Variants in HPSE2 observed in about 807,000 individuals in gnomAD.
HPSE2 encodes the protein heparanase 2 (inactive), also known as inactive heparanase-2.
A neutral mutation model predicts 60.5 loss-of-function variants in HPSE2; 38 were observed. That is an observed-to-expected ratio of 0.63 (90% confidence interval 0.48 to 0.82). The LOEUF (loss-of-function observed/expected upper bound fraction) is 0.82. Among genes scored for constraint, HPSE2 ranks in the 40% least tolerant of loss-of-function variants. The pLI, the probability that HPSE2 is intolerant of heterozygous loss-of-function variation, is 0.00. For synonymous variants in HPSE2, 295 were observed against 293.2 expected (o/e 1.01, Z -0.06); for missense variants, 713 against 740.4 (o/e 0.96, Z 0.43).
chr10:99,285,754 G>A, the HPSE2 span, among the ~76,000 whole-genome samples: 6 of 151,978 alleles, frequency 3.9e-5, no homozygotes, highest in African/African-American at 7.2e-5. Context: ...GTGAGATCCC[G>A]TCTCTACAAA....
intron 9 of HPSE2, among the ~76,000 whole-genome samples, chr10:98,547,447 C>T (rs1345189426): frequency 6.6e-6 from 1 of 150,586 alleles, no homozygotes; most frequent in Non-Finnish European, 1.5e-5. Context: ...AAATGTGGCA[C>T]ATATACACCA....
chr10:98,703,346 C>G (rs1948461897), intron 5 of HPSE2, among the ~76,000 whole-genome samples: 1 of 152,082 alleles, frequency 6.6e-6, no homozygotes, highest in African/African-American at 2.4e-5. Context: ...TGAATTCTAC[C>G]AGAGGTACAA....
At chr10:99,276,800 A>G in the HPSE2 span, among the ~76,000 whole-genome samples, 1 of 152,184 alleles carries the variant, frequency 6.6e-6, no homozygotes, top group Non-Finnish European at 1.5e-5. Context: ...GTACCCTAGT[A>G]TGTCAAATTA....
chr10:98,898,269 C>G (rs1407665676), intron 3 of HPSE2, among the ~76,000 whole-genome samples: 1 of 152,068 alleles, frequency 6.6e-6, no homozygotes, highest in Non-Finnish European at 1.5e-5. Context: ...CACAAAGAAA[C>G]CCTACATGTG....
chr10:98,989,222 A>G (rs1436283602), intron 3 of HPSE2, among the ~76,000 whole-genome samples: 2 of 152,208 alleles, frequency 1.3e-5, no homozygotes, highest in Admixed American at 6.5e-5. Flanking sequence ...CACTATTCAC[A>G]ACAGAAAAGA....
chr10:98,743,833 A>C, intron 4 of HPSE2, 50 bp downstream of exon 4: 1 of 1,538,338 alleles, frequency 6.5e-7, no homozygotes, highest in Non-Finnish European at 9.0e-7. Flanking sequence ...AAGCCAACTT[A>C]TTTTTCCCCT....
chr10:98,523,587 A>C (rs1942868549), intron 9 of HPSE2, among the ~76,000 whole-genome samples: 4 of 152,238 alleles, frequency 2.6e-5, no homozygotes, highest in Admixed American at 2.6e-4. Context: ...GACATTTACA[A>C]ATGCATAATG....
chr10:98,938,871 A>G (rs1954897203), intron 3 of HPSE2, among the ~76,000 whole-genome samples: 1 of 144,448 alleles, frequency 6.9e-6, no homozygotes. Context: ...AGTCCATCAG[A>G]CTAACAGCTG....
intron 2 of HPSE2, among the ~76,000 whole-genome samples, chr10:99,182,663 T>C (rs1847820576): frequency 6.6e-6 from 1 of 152,120 alleles, no homozygotes; most frequent in Admixed American, 6.6e-5. Context: ...ATCCAGTAAT[T>C]ATGGAATAAC....
At chr10:99,180,006 G>A (rs1847695252) in intron 2 of HPSE2, among the ~76,000 whole-genome samples, 1 of 152,182 alleles carries the variant, frequency 6.6e-6, no homozygotes, top group Non-Finnish European at 1.5e-5. Context: ...AACAAGAAAT[G>A]GGGAAAGGAT....
the HPSE2 span, among the ~76,000 whole-genome samples, chr10:99,246,791 T>C: frequency 6.6e-6 from 1 of 152,212 alleles, no homozygotes; most frequent in Admixed American, 6.5e-5. Flanking sequence ...TATTACTTGA[T>C]ACATATGTAA....
chr10:98,559,607 G>A (rs1332259238), intron 9 of HPSE2, among the ~76,000 whole-genome samples: 3 of 152,166 alleles, frequency 2.0e-5, no homozygotes, highest in Non-Finnish European at 4.4e-5. Flanking sequence ...CTCACTCACC[G>A]ACCGACAAAC....
chr10:98,636,334 G>A (rs981427495), intron 7 of HPSE2, among the ~76,000 whole-genome samples: 3 of 151,890 alleles, frequency 2.0e-5, no homozygotes, highest in African/African-American at 7.3e-5. Flanking sequence ...CCGCCTCCTG[G>A]GTTCAAGTGA....
At chr10:99,067,674 G>A (rs184254925) in intron 3 of HPSE2, among the ~76,000 whole-genome samples, 2 of 152,280 alleles carry the variant, frequency 1.3e-5, no homozygotes, top group East Asian at 3.9e-4. Context: ...ACATGCCCTG[G>A]GCCTAGTCCA....
At chr10:98,493,460 T>G (rs1202815908) in intron 9 of HPSE2, among the ~76,000 whole-genome samples, 5 of 152,222 alleles carry the variant, frequency 3.3e-5, no homozygotes, top group African/African-American at 4.8e-5. Context: ...TTTCACTTCA[T>G]ATTTTTTTGT....
rs536646227 is a variant in HPSE2, at chr10:98,680,246, A to G, written c.1004+13654T>C. On this transcript the variant is annotated intron_variant, in intron 6 of 11. Transcript: ENST00000370552. ...TTGCAAACATGAAGACAAAGTTACT[A>G]TCTTGTTAGTAAAAGTGTACTTTTC... Among the ~76,000 whole-genome samples, 79 of 152,340 alleles carry G rather than the reference A, an allele frequency of 5.2e-4. 1 individual carries two copies. Among genetic ancestry groups the G allele is most frequent in the Non-Finnish European group, 1.6e-4 (11 of 68,026 alleles).
intron 3 of HPSE2, among the ~76,000 whole-genome samples, chr10:98,960,701 C>CTTTTTTTTTT: frequency 1.1e-3 from 63 of 57,518 alleles, no homozygotes; most frequent in Admixed American, 1.3e-3. Context: ...ATGTACATTT[C>CTTTTTTTTTT]TTTTTTTTTT....
intron 3 of HPSE2, among the ~76,000 whole-genome samples, chr10:98,827,142 C>T (rs752662450): frequency 7.4e-6 from 1 of 134,724 alleles, no homozygotes; most frequent in Non-Finnish European, 1.6e-5. Flanking sequence ...CAGAGCAAGA[C>T]CCTGTCTCTA....
intron 3 of HPSE2, among the ~76,000 whole-genome samples, chr10:98,837,860 C>A (rs1388340442): frequency 3.5e-5 from 5 of 144,766 alleles, no homozygotes; most frequent in Non-Finnish European, 1.5e-5. Context: ...GGCGACAGAG[C>A]GAGACTCCAT....
Sources: allele counts gnomAD v4.1 joint callset (sites outside exome capture counted in the v4.1 genomes callset), GRCh38; gene constraint gnomAD v4.1.1; transcripts MANE v1.5; gene names NCBI Gene and HGNC (gene_info 2026-07-23, HGNC 2026-07-21).